The following PFAS variants were observed in gnomAD, a reference collection of about 807,000 sequenced individuals.
The protein encoded by PFAS is FGAM synthase.
PFAS carries 97 observed loss-of-function variants against 140.6 expected under a neutral mutation model. The observed-to-expected ratio is 0.69, with a 90% CI of 0.59 to 0.82. PFAS has a LOEUF of 0.82. Ranked by LOEUF, PFAS falls within the 40% of genes least tolerant of loss-of-function variation. The pLI, the probability that PFAS is intolerant of heterozygous loss-of-function variation, is 0.00. For missense variants in PFAS, 1,656 were observed against 1,780.2 expected, an observed-to-expected ratio of 0.93 and a Z score of 1.26; for synonymous variants, 679 against 718.8, an observed-to-expected ratio of 0.94 and a Z score of 0.88.
At chr17:8,247,902 C>A, upstream of PFAS, 1 of 1,258,614 alleles carries the variant, frequency 7.9e-7, no homozygotes, top group Non-Finnish European at 1.1e-6. Context: ...GGGCCGGACG[C>A]GGCCAGCGAG....
intron 13 of PFAS, 120 bp downstream of exon 13, chr17:8,263,385 T>C: frequency 8.6e-7 from 1 of 1,163,950 alleles, no homozygotes; most frequent in Non-Finnish European, 1.3e-6. Flanking sequence ...TTCTCCATGC[T>C]CTGTACATTC....
rs1989890149 is a variant in PFAS, at chr17:8,267,947, ATATT to A, written c.3382+283_3382+286del. Among the ~76,000 whole-genome samples, 1 of 144,726 alleles carries A rather than the reference ATATT, an allele frequency of 6.9e-6. No homozygotes were observed. Among genetic ancestry groups the A allele is most frequent in the African/African-American group, 2.5e-5 (1 of 39,902 alleles). 94.9% of individuals were successfully genotyped at this position (144,726 alleles called of 152,430 possible). A position where few individuals can be genotyped will look rare whatever the true frequency, so the allele number is the denominator to read the frequency against. ...TATTATTAAAATGTATATTATTTAT[ATATT>A]ATTAAAATATATATTATTTATATAT... is the stretch of plus-strand genomic sequence containing the variant. On this transcript the variant is annotated intron_variant, in intron 26 of 27. Transcript: ENST00000314666. The surrounding 1 kb of genome is among the most constrained non-coding windows in gnomAD (Gnocchi z 4.9).
At chr17:8,256,012 G>A (rs1434910767) in intron 6 of PFAS, 102 bp downstream of exon 6, 1 of 938,906 alleles carries the variant, frequency 1.1e-6, no homozygotes, top group African/African-American at 1.6e-5. Flanking sequence ...GGGCCTCCCT[G>A]AGTCTCTGAG....
At chr17:8,250,845 A>C (rs1317047656) in intron 1 of PFAS, among the ~76,000 whole-genome samples, 1 of 152,104 alleles carries the variant, frequency 6.6e-6, no homozygotes, top group Admixed American at 6.6e-5. Context: ...TTTAAAAAAG[A>C]GTTTGGAATA....
rs779190153 is a variant in PFAS at position 8,255,021 on chromosome 17, G to C, written c.279-6G>C. The C allele has an allele frequency of 4.3e-5, 70 of 1,610,076 alleles. No homozygotes were observed. The highest frequency in any genetic ancestry group is 1.7e-4 in the African/African-American group (13 of 74,850). ...TCCAGTCCTAACCATCAGGCCCATT[G>C]TTCAGGCTGAACTTCTCCACCCCAA... On this transcript the variant is annotated splice_polypyrimidine_tract_variant and splice_region_variant and intron_variant, in intron 3 of 27. Coordinates refer to ENST00000314666, the MANE Select transcript of PFAS (RefSeq NM_012393.3).
Position 8,266,720 on chromosome 17 carries a change from G to C in PFAS, c.2822-33G>C. 6.4e-7 allele frequency: 1 copy of C among 1,570,432 alleles called. No homozygotes were observed. Among genetic ancestry groups the C allele is most frequent in the Non-Finnish European group, 8.6e-7 (1 of 1,160,368 alleles). On this transcript the variant is annotated intron_variant, in intron 22 of 27. Coordinates refer to ENST00000314666, the MANE Select transcript of PFAS (RefSeq NM_012393.3). The surrounding 1 kb of genome is among the most constrained non-coding windows in gnomAD (Gnocchi z 5.0). Reference sequence around the variant, plus strand: ...CGCCCCAACTCCCTTGGCCCTTCTTGCATCCCCCTGACTCCCCACATTGCT... The same window carrying C: ...CGCCCCAACTCCCTTGGCCCTTCTTCCATCCCCCTGACTCCCCACATTGCT...
rs772429388 is a variant in PFAS, at chr17:8,267,261, G to T, written c.3175+26G>T. The T allele has an allele frequency of 2.5e-6, 4 of 1,593,798 alleles. No individual in the cohort carries two copies. The African/African-American group carries it at 5.4e-5, about 21-fold the overall frequency. On this transcript the variant is annotated intron_variant, in intron 24 of 27. Coordinates refer to ENST00000314666, the MANE Select transcript of PFAS (RefSeq NM_012393.3). This position sits in a 1 kb window ranked among gnomAD's most constrained non-coding sequence, Gnocchi z 4.9. ...GTGAGGGAGTGTGTGCAGAGGCTCC[G>T]CGTCCTGGGGGCACTGAGCCTGGAT...
At position 8,266,684 on chromosome 17, in the gene PFAS, T is replaced by C. The variant is rs1460032356; in HGVS notation, c.2822-69T>C. On this transcript the variant is annotated intron_variant, in intron 22 of 27. Transcript: ENST00000314666. This position sits in a 1 kb window ranked among gnomAD's most constrained non-coding sequence, Gnocchi z 5.0. ...ACCCTCACCCTGGCCCTTCCTGCAT[T>C]TCCCTGATCCCGCCCCAACTCCCTT... is the stretch of plus-strand genomic sequence containing the variant. 35 of 1,537,748 alleles carry C rather than the reference T, an allele frequency of 2.3e-5. No homozygotes were observed. The highest frequency in any genetic ancestry group is 2.9e-5 in the Non-Finnish European group (33 of 1,145,992).
At chr17:8,262,142 TAGC>T (rs1989618891) in intron 11 of PFAS, among the ~76,000 whole-genome samples, 1 of 152,224 alleles carries the variant, frequency 6.6e-6, no homozygotes, top group Admixed American at 6.5e-5. Flanking sequence ...ATTTTTCGCT[TAGC>T]AGTATATCTT....
Position 8,254,045 on chromosome 17 carries a change from C to T in PFAS, c.108C>T (p.Val36=), listed in dbSNP as rs1282326569. The change falls in exon 2 of 28, where the codon GTC becomes GTT. Residue 36 remains valine (V), a synonymous_variant. Coordinates refer to ENST00000314666, the MANE Select transcript of PFAS (RefSeq NM_012393.3). ...LQGKLPELQG[V]ETELCYNVNW... ...GGAAACTGCCAGAGCTGCAGGGCGT[C>T]GAGACTGAACTGTGCTACAACGTGA... The T allele has an allele frequency of 5.6e-6, 9 of 1,614,012 alleles. No homozygotes were observed. The highest frequency in any genetic ancestry group is 4.0e-5 in the African/African-American group (3 of 74,914).
Position 8,265,429 on chromosome 17 carries a change from A to G in PFAS, c.2422A>G (p.Met808Val). The G allele has an allele frequency of 6.2e-7, 1 of 1,614,114 alleles. No individual in the cohort carries two copies. The highest frequency in any genetic ancestry group is 8.5e-7 in the Non-Finnish European group (1 of 1,179,992). Residue 808 changes from methionine (M) to valine (V), a missense_variant, in exon 19 of 28, where the codon ATG becomes GTG. Around this residue, in one of 2 missense-constraint regions of PFAS, gnomAD observed 883 missense variants for 1,023.0 expected, o/e 0.86. Transcript: ENST00000314666. ...GGATGGTGGCAAGGACTCCCTCAGC[A>G]TGGCTGCTCGGGTTGGCACTGAGAC... ...AVDGGKDSLS[M>V]AARVGTETVR... is the part of the protein sequence containing the mutation.
At chr17:8,247,851 T>G, upstream of PFAS, 1 of 700,406 alleles carries the variant, frequency 1.4e-6, no homozygotes, top group Non-Finnish European at 2.5e-6. Flanking sequence ...GCAGAACCAG[T>G]AAGAGGTAGG....
chr17:8,268,964 A>G lies in PFAS; in HGVS notation c.3717A>G (p.Ala1239=), dbSNP rs549000635. The G allele has an allele frequency of 1.2e-6, 2 of 1,614,118 alleles. No individual in the cohort carries two copies. Among genetic ancestry groups the G allele is most frequent in the Non-Finnish European group, 1.7e-6 (2 of 1,180,018 alleles). Residue 1239 remains alanine, a synonymous_variant, in exon 28 of 28, where the codon GCA becomes GCG. Coordinates refer to ENST00000314666, the MANE Select transcript of PFAS (RefSeq NM_012393.3). ...VWSAHGEGYV[A]FSSPELQAQI... is the part of the protein sequence containing the mutation. ...CTCCTTCCATCCCAGGTTACGTAGC[A>G]TTTTCTTCTCCGGAACTCCAAGCTC... is the stretch of plus-strand genomic sequence containing the variant.
At chr17:8,254,341 C>G in intron 3 of PFAS, 40 bp downstream of exon 3, 1 of 1,610,018 alleles carries the variant, frequency 6.2e-7, no homozygotes, top group Non-Finnish European at 8.5e-7. Flanking sequence ...TTCTGCTTTC[C>G]TTTGCTTCCT....
chr17:8,261,421 T>G (rs1989587684), intron 11 of PFAS, among the ~76,000 whole-genome samples: 1 of 151,920 alleles, frequency 6.6e-6, no homozygotes, highest in African/African-American at 2.4e-5. Context: ...TGTATTTTAG[T>G]AGAGATGGGG....
At position 8,256,551 on chromosome 17, in the gene PFAS, C is replaced by A. The variant is rs565868482; in HGVS notation, c.849C>A (p.Phe283Leu). 2 of 1,614,146 alleles carry A rather than the reference C, an allele frequency of 1.2e-6. No homozygotes were observed. Among genetic ancestry groups the A allele is most frequent in the Admixed American group, 3.3e-5 (2 of 60,024 alleles). ...SSAIQGKEVR[F>L]LRPEDPTRPS... Reference sequence around the variant, plus strand: ...CAATCCAGGGAAAGGAAGTCCGATTCCTACGGCCTGAGGACCCCACACGGC... The same window carrying A: ...CAATCCAGGGAAAGGAAGTCCGATTACTACGGCCTGAGGACCCCACACGGC... Residue 283 changes from phenylalanine (F) to leucine (L), a missense_variant, in exon 8 of 28, where the codon TTC (phenylalanine) becomes TTA (leucine). Phe to Leu is a conservative substitution (Grantham distance 22). Transcript: ENST00000314666.
chr17:8,269,534 G>A lies in PFAS; in HGVS notation c.*270G>A, dbSNP rs534984544. On this transcript the variant is annotated 3_prime_UTR_variant, in exon 28 of 28. Transcript: ENST00000314666. ...TCAGAGAAAAGAGCGACAAGGAAAA[G>A]TTAGGACTCCTGAGGTCCGAACAGG... 2.3e-6 allele frequency: 1 copy of A among 426,322 alleles called. No individual in the cohort carries two copies. The highest frequency in any genetic ancestry group is 4.1e-5 in the South Asian group (1 of 24,390). The allele number at this position is 426,322 out of a possible 1,614,324, so 26.4% of individuals were successfully genotyped here.
At position 8,266,099 on chromosome 17, in the gene PFAS, G is replaced by A; in HGVS notation, c.2701+82G>A. 2 of 1,530,660 alleles carry A rather than the reference G, an allele frequency of 1.3e-6. No homozygotes were observed. Among genetic ancestry groups the A allele is most frequent in the South Asian group, 1.2e-5 (1 of 81,368 alleles). The allele number at this position is 1,530,660 out of a possible 1,614,324, so 94.8% of individuals were successfully genotyped here. On this transcript the variant is annotated intron_variant, in intron 21 of 27. Coordinates refer to ENST00000314666, the MANE Select transcript of PFAS (RefSeq NM_012393.3). This position sits in a 1 kb window ranked among gnomAD's most constrained non-coding sequence, Gnocchi z 5.0. ...TCACCATCTGAGCAGTGGGGCAAAA[G>A]GGACTCCAATGGACGATGTACCCCA... is the stretch of plus-strand genomic sequence containing the variant.
chr17:8,268,234 G>A (rs570821451), intron 26 of PFAS, among the ~76,000 whole-genome samples: 144 of 146,338 alleles, frequency 9.8e-4, no homozygotes, highest in Non-Finnish European at 1.8e-3. Context: ...TTAGCCAGGC[G>A]TGCTGGCGGG....
Sources: allele counts gnomAD v4.1 joint callset (sites outside exome capture counted in the v4.1 genomes callset), GRCh38; gene constraint gnomAD v4.1.1; regional missense constraint gnomAD v4.1.1; non-coding constraint Gnocchi (gnomAD v3.1); transcripts MANE v1.5; gene names NCBI Gene and HGNC (gene_info 2026-07-23, HGNC 2026-07-21).